Variants in ACVR1 observed in about 807,000 individuals in gnomAD.
ACVR1 encodes the protein activin receptor type-1.
Under a neutral mutation model 57.1 loss-of-function variants are expected in ACVR1, and 38 were observed. The ratio of observed to expected loss-of-function variants is 0.67; its 90% CI spans 0.51 to 0.87. The LOEUF (loss-of-function observed/expected upper bound fraction) is 0.87, where lower values mean the gene tolerates loss of function less well. Among genes scored for constraint, ACVR1 ranks in the 40% least tolerant of loss-of-function variants. The pLI is 0.00. For missense variants in ACVR1, 463 were observed against 638.2 expected (o/e 0.73, Z 2.96); for synonymous variants, 212 against 228.1 (o/e 0.93, Z 0.63).
At chr2:157,770,047 G>C (rs1306151862) in intron 7 of ACVR1, among the ~76,000 whole-genome samples, 1 of 152,106 alleles carries the variant, frequency 6.6e-6, no homozygotes. Context: ...AAAAAGGGTG[G>C]GGTGAGTAGA....
At chr2:157,781,202 G>A (rs1174751982) in intron 3 of ACVR1, among the ~76,000 whole-genome samples, 1 of 152,094 alleles carries the variant, frequency 6.6e-6, no homozygotes, top group East Asian at 1.9e-4. Flanking sequence ...TCTGGATTGG[G>A]GAATAGTTGT....
At chr2:157,847,727 C>G (rs1574143058) in intron 1 of ACVR1, among the ~76,000 whole-genome samples, 2 of 152,118 alleles carry the variant, frequency 1.3e-5, no homozygotes, top group Admixed American at 6.5e-5. Context: ...GAATTACAAA[C>G]AGTAATACTA....
intron 8 of ACVR1, among the ~76,000 whole-genome samples, chr2:157,765,226 C>T (rs1024955088): frequency 1.3e-5 from 2 of 152,186 alleles, no homozygotes; most frequent in Non-Finnish European, 2.9e-5. Flanking sequence ...TAAGAATGAG[C>T]TATCCTAACA....
intron 2 of ACVR1, among the ~76,000 whole-genome samples, chr2:157,810,619 G>A (rs1687718794): frequency 6.6e-6 from 1 of 152,120 alleles, no homozygotes; most frequent in African/African-American, 2.4e-5. Flanking sequence ...CTGGCAGTGG[G>A]GGGCCTAAGC....
intron 2 of ACVR1, among the ~76,000 whole-genome samples, chr2:157,808,579 T>C (rs1291773428): frequency 6.6e-6 from 1 of 152,152 alleles, no homozygotes; most frequent in African/African-American, 2.4e-5. Flanking sequence ...TGGTGGACAA[T>C]ATCCCAGTTG....
At chr2:157,753,130 CA>C (rs1341348327) in intron 9 of ACVR1, among the ~76,000 whole-genome samples, 2 of 152,094 alleles carry the variant, frequency 1.3e-5, no homozygotes, top group African/African-American at 4.8e-5. Flanking sequence ...ATATTCCATG[CA>C]AATGGACACC....
chr2:157,749,367 T>A (rs1254973016), intron 9 of ACVR1, among the ~76,000 whole-genome samples: 1 of 152,210 alleles, frequency 6.6e-6, no homozygotes, highest in Non-Finnish European at 1.5e-5. Context: ...TTAATAAAAC[T>A]ACTTATAAAC....
chr2:157,767,234 C>T (rs1023681937), intron 7 of ACVR1, among the ~76,000 whole-genome samples: 2 of 152,026 alleles, frequency 1.3e-5, no homozygotes, highest in Non-Finnish European at 2.9e-5. Context: ...GGTTTCCCCA[C>T]GTTGGCCACG....
In ACVR1 at chr2:157,799,431, CA is replaced by C; in HGVS notation, c.62del (p.Met21ArgfsTer37). 6.2e-7 allele frequency: 1 copy of C among 1,610,164 alleles called. No individual in the cohort carries two copies. The highest frequency in any genetic ancestry group is 8.5e-7 in the Non-Finnish European group (1 of 1,177,410). On this transcript the variant is annotated frameshift_variant, in exon 3 of 11. Coordinates refer to ENST00000434821, the MANE Select transcript of ACVR1 (RefSeq NM_001111067.4). LOFTEE classifies it high-confidence loss of function. ...AAAAAGATGTGAGTCACTTACCTTC[CA>C]TACTAGGGGAGGGGAGAGCAATCAT... ...LIMIALPSPSMEDEKPKVNPK... is the reference protein window; with the variant it reads ...LIMIALPSPSXEDEKPKVNPK...
intron 9 of ACVR1, among the ~76,000 whole-genome samples, chr2:157,752,888 A>G (rs1030983013): frequency 6.6e-6 from 1 of 152,194 alleles, no homozygotes; most frequent in African/African-American, 2.4e-5. Flanking sequence ...AAAAAATACC[A>G]TAAATACATT....
At chr2:157,794,973 G>T (rs564920597) in intron 3 of ACVR1, among the ~76,000 whole-genome samples, 7 of 151,176 alleles carry the variant, frequency 4.6e-5, no homozygotes, top group African/African-American at 1.7e-4. Flanking sequence ...CGGAGACAAA[G>T]GGGTAAAAGT....
At chr2:157,826,697 G>GAAGGAAAGGAAAGGAAAGGA (rs74187986) in intron 1 of ACVR1, 1 of 41,556 alleles carries the variant, frequency 2.4e-5, no homozygotes, top group African/African-American at 8.1e-5. Flanking sequence ...AAAAGAGAGA[G>GAAGGAAAGGAAAGGAAAGGA]AAGGAAAGGA....
intron 1 of ACVR1, among the ~76,000 whole-genome samples, chr2:157,851,912 A>ACCCCCCCCCCC (rs1559094092): frequency 1.2e-4 from 2 of 16,196 alleles, no homozygotes; most frequent in Admixed American, 5.0e-4. Context: ...CACACACACC[A>ACCCCCCCCCCC]CCCCCACCCC....
chr2:157,807,563 AT>A (rs914195480), intron 2 of ACVR1, among the ~76,000 whole-genome samples: 322 of 140,492 alleles, frequency 2.3e-3, no homozygotes, highest in Middle Eastern at 7.3e-3. Flanking sequence ...TGACTGGACC[AT>A]TTTTTTTTTT....
intron 1 of ACVR1, among the ~76,000 whole-genome samples, chr2:157,873,697 C>T (rs919962816): frequency 6.6e-6 from 1 of 152,156 alleles, no homozygotes; most frequent in East Asian, 1.9e-4. Context: ...TACCTAGAAG[C>T]CTATCATGAC....
At chr2:157,792,910 T>A (rs1457950910) in intron 3 of ACVR1, among the ~76,000 whole-genome samples, 1 of 152,174 alleles carries the variant, frequency 6.6e-6, no homozygotes, top group Non-Finnish European at 1.5e-5. Flanking sequence ...TGGAATGACA[T>A]GAGTTCTGAG....
At position 157,750,666 on chromosome 2, in the gene ACVR1, G is replaced by A. The variant is rs1385844427; in HGVS notation, c.1264+10214C>T. ...TTATACCAGATGTGCTGATATCAAC[G>A]TAGAGACACAAAGAACATGAAAAAA... On this transcript the variant is annotated intron_variant, in intron 9 of 10. Transcript: ENST00000434821. Among the ~76,000 whole-genome samples, 4 of 152,032 alleles carry A rather than the reference G, an allele frequency of 2.6e-5. 1 individual carries two copies. The highest frequency in any genetic ancestry group is 2.9e-5 in the Non-Finnish European group (2 of 67,984).
At chr2:157,761,217 T>C in intron 8 of ACVR1, 140 bp from the exon 9 acceptor site, 1 of 746,140 alleles carries the variant, frequency 1.3e-6, no homozygotes, top group South Asian at 1.7e-5. Context: ...GAATGATCCC[T>C]AGAATGCCCT....
chr2:157,835,903 A>C (rs1381939801), intron 1 of ACVR1, among the ~76,000 whole-genome samples: 4 of 152,236 alleles, frequency 2.6e-5, no homozygotes, highest in Non-Finnish European at 5.9e-5. Context: ...ACAACCCTTT[A>C]ATTTAATATA....
Sources: allele counts gnomAD v4.1 joint callset (sites outside exome capture counted in the v4.1 genomes callset), GRCh38; gene constraint gnomAD v4.1.1; transcripts MANE v1.5; gene names NCBI Gene and HGNC (gene_info 2026-07-23, HGNC 2026-07-21).